Variants in CSMD1 observed in about 807,000 individuals in gnomAD.
The protein encoded by CSMD1 is CUB and sushi domain-containing protein 1.
CSMD1 carries 213 observed loss-of-function variants against 417.5 expected under a neutral mutation model. The ratio of observed to expected loss-of-function variants is 0.51; its 90% CI spans 0.46 to 0.57. The LOEUF (loss-of-function observed/expected upper bound fraction) is 0.57, where lower values mean the gene tolerates loss of function less well. Ranked by LOEUF, CSMD1 falls within the 20% of genes least tolerant of loss-of-function variation. The pLI is 0.00. For synonymous variants in CSMD1, 2,862 were observed against 1,736.8 expected (o/e 1.65, Z -16.11); for missense variants, 6,923 against 4,529.7 (o/e 1.53, Z -15.17).
chr8:4,666,897 T>C (rs1217013436), intron 1 of CSMD1, among the ~76,000 whole-genome samples: 2 of 152,182 alleles, frequency 1.3e-5, no homozygotes, highest in Admixed American at 6.5e-5. Context: ...CTCCTGCTTT[T>C]TGTGTGTTAC....
At chr8:3,794,930 C>G (rs1024078214) in intron 5 of CSMD1, among the ~76,000 whole-genome samples, 1 of 151,208 alleles carries the variant, frequency 6.6e-6, no homozygotes. Context: ...CTTTTCTAAC[C>G]TTCTAATGTA....
At position 3,604,036 on chromosome 8, in the gene CSMD1, C is replaced by T. The variant is rs374557104; in HGVS notation, c.1097+12674G>A. 4.2e-4 allele frequency among the ~76,000 whole-genome samples: 64 copies of T among 152,266 alleles called. No individual in the cohort carries two copies. In the South Asian group the frequency reaches 0.013, roughly 31 times the overall value. ...GCCTTACAACCTGTAAATGTAAATG[C>T]ATTCCTGATATAAAAGTAAAATTAA... On this transcript the variant is annotated intron_variant, in intron 8 of 69. Transcript: ENST00000635120.
intron 5 of CSMD1, among the ~76,000 whole-genome samples, chr8:3,895,245 T>G (rs1047002724): frequency 2.0e-5 from 3 of 152,184 alleles, no homozygotes; most frequent in African/African-American, 7.2e-5. Flanking sequence ...ATCACTGTGC[T>G]TACAACAACA....
At chr8:3,878,239 TA>T (rs779597527) in intron 5 of CSMD1, among the ~76,000 whole-genome samples, 4 of 152,186 alleles carry the variant, frequency 2.6e-5, no homozygotes, top group Non-Finnish European at 5.9e-5. Flanking sequence ...GTCGAGATGA[TA>T]ATTTCTTAGA....
At chr8:4,321,049 T>C (rs1227425962) in intron 3 of CSMD1, among the ~76,000 whole-genome samples, 1 of 152,204 alleles carries the variant, frequency 6.6e-6, no homozygotes, top group Non-Finnish European at 1.5e-5. Context: ...CATTTTGTTT[T>C]ACACACAGAT....
intron 1 of CSMD1, among the ~76,000 whole-genome samples, chr8:4,912,448 G>C (rs996367714): frequency 6.6e-6 from 1 of 151,832 alleles, no homozygotes; most frequent in Non-Finnish European, 1.5e-5. Context: ...AAGGATTGAA[G>C]GTGAAAACGG....
intron 7 of CSMD1, among the ~76,000 whole-genome samples, chr8:3,660,996 G>A (rs538094234): frequency 1.3e-5 from 2 of 152,194 alleles, no homozygotes; most frequent in Non-Finnish European, 2.9e-5. Flanking sequence ...GTGAGCGCCA[G>A]CACCCAGCGT....
intron 2 of CSMD1, among the ~76,000 whole-genome samples, chr8:4,511,061 C>G (rs1028371561): frequency 2.6e-5 from 4 of 152,064 alleles, no homozygotes; most frequent in Non-Finnish European, 4.4e-5. Context: ...CTTTCTTTCT[C>G]AGCCATCCTT....
intron 5 of CSMD1, among the ~76,000 whole-genome samples, chr8:3,916,041 G>T (rs928016084): frequency 2.8e-4 from 43 of 151,484 alleles, no homozygotes; most frequent in African/African-American, 1.0e-3. Context: ...CAAGACAAAT[G>T]GGTAACATAA....
At chr8:3,539,573 A>G (rs1466003348) in intron 10 of CSMD1, among the ~76,000 whole-genome samples, 1 of 152,152 alleles carries the variant, frequency 6.6e-6, no homozygotes. Context: ...AGAAGTTGTA[A>G]CACTTCGCCA....
At chr8:4,896,500 T>A (rs1585283025) in intron 1 of CSMD1, among the ~76,000 whole-genome samples, 1 of 152,158 alleles carries the variant, frequency 6.6e-6, no homozygotes, top group South Asian at 2.1e-4. Flanking sequence ...AAAATTTTTA[T>A]CTTATGTTGT....
intron 1 of CSMD1, among the ~76,000 whole-genome samples, chr8:4,841,225 G>A (rs1214932761): frequency 6.6e-6 from 1 of 152,168 alleles, no homozygotes; most frequent in East Asian, 1.9e-4. Flanking sequence ...CTAGATAAAA[G>A]GGAAACAAGT....
chr8:4,220,596 G>A (rs1223615262), intron 3 of CSMD1, among the ~76,000 whole-genome samples: 1 of 152,182 alleles, frequency 6.6e-6, no homozygotes, highest in South Asian at 2.1e-4. Flanking sequence ...AGAGTGATAA[G>A]GGTCCATGTG....
At chr8:3,472,755 A>G (rs999893876) in intron 11 of CSMD1, among the ~76,000 whole-genome samples, 2 of 152,086 alleles carry the variant, frequency 1.3e-5, no homozygotes, top group African/African-American at 4.8e-5. Flanking sequence ...TCAGCAGATA[A>G]CTTTACTCAT....
chr8:4,435,441 G>C (rs1045074185), intron 2 of CSMD1, among the ~76,000 whole-genome samples: 1 of 152,152 alleles, frequency 6.6e-6, no homozygotes, highest in Non-Finnish European at 1.5e-5. Context: ...GTCTAGTTTT[G>C]TTAAACTTAT....
At chr8:3,599,370 T>G (rs1422226948) in intron 8 of CSMD1, among the ~76,000 whole-genome samples, 3 of 152,034 alleles carry the variant, frequency 2.0e-5, no homozygotes, top group Admixed American at 6.6e-5. Context: ...TAACCCCAAC[T>G]CAGCATCATT....
Position 4,381,380 on chromosome 8 carries a change from G to A in CSMD1, c.415+38573C>T, listed in dbSNP as rs77639151. Among the ~76,000 whole-genome samples the A allele has an allele frequency of 9.9e-5, 15 of 152,254 alleles. No homozygotes were observed. In the East Asian group the frequency reaches 2.9e-3, roughly 29 times the overall value. ...TGACCCTATGACCCTGTGGCTGTAA[G>A]AGTAAGCAGGGGTGGAAAACCCATG... On this transcript the variant is annotated intron_variant, in intron 3 of 69. Coordinates refer to ENST00000635120, the MANE Select transcript of CSMD1 (RefSeq NM_033225.6).
At chr8:2,966,951 C>T (rs941922416) in intron 57 of CSMD1, among the ~76,000 whole-genome samples, 9 of 152,122 alleles carry the variant, frequency 5.9e-5, no homozygotes, top group Non-Finnish European at 1.2e-4. Context: ...TAAAAATAAC[C>T]TTTCAATTCG....
intron 2 of CSMD1, among the ~76,000 whole-genome samples, chr8:4,449,896 A>G (rs117220525): frequency 7.2e-5 from 11 of 152,278 alleles, no homozygotes; most frequent in East Asian, 5.8e-4. Context: ...CCTCCATAAC[A>G]TATGTATAAA....
Sources: gnomAD v4.1 joint callset for allele counts (sites outside exome capture counted in the v4.1 genomes callset) on GRCh38, gnomAD v4.1.1 for gene constraint, MANE v1.5 for transcripts, NCBI Gene and HGNC (gene_info 2026-07-23, HGNC 2026-07-21) for gene names.